PRPF18: variants seen among roughly 807,000 people sequenced by gnomAD.
PRPF18 encodes the protein pre-mRNA processing factor 18, also known as pre-mRNA-splicing factor 18.
A neutral mutation model predicts 46.5 loss-of-function variants in PRPF18; 38 were observed. The ratio of observed to expected loss-of-function variants is 0.82; its 90% confidence interval spans 0.63 to 1.07. PRPF18 has a LOEUF of 1.07. Ranked by LOEUF, PRPF18 falls within the 50% of genes least tolerant of loss-of-function variation. The pLI is 0.00. For synonymous variants in PRPF18, 152 were observed against 146.7 expected, an observed-to-expected ratio of 1.04 and a Z score of -0.26; for missense variants, 263 against 410.0, an observed-to-expected ratio of 0.64 and a Z score of 3.10.
intron 4 of PRPF18, among the ~76,000 whole-genome samples, chr10:13,607,080 GTCTT>G (rs1415437138): frequency 1.3e-5 from 2 of 152,202 alleles, no homozygotes; most frequent in Middle Eastern, 3.4e-3. Context: ...GTCTGTTAAA[GTCTT>G]TCTTTCCTTA....
rs145928720 is a variant in PRPF18 at position 13,597,479 on chromosome 10, C to T, written c.88C>T (p.Arg30Cys). The part of the protein sequence containing the change: ...LLVENKKYFK[R>C]SELAKKEEEA... ...ATAGGAAAATAAAAAATATTTCAAG[C>T]GTAGTGAGCTCGCCAAAAAAGAAGA... The change falls in exon 2 of 10, where the codon CGT becomes TGT. Residue 30 changes from arginine (R) to cysteine (C), a missense_variant. Physicochemically the swap from Arg to Cys is radical, Grantham distance 180. Coordinates refer to ENST00000378572, the MANE Select transcript of PRPF18 (RefSeq NM_003675.4). The T allele has an allele frequency of 1.8e-4, 289 of 1,604,076 alleles. No homozygotes were observed. Among genetic ancestry groups the T allele is most frequent in the Middle Eastern group, 7.1e-4 (4 of 5,612 alleles).
At chr10:13,611,065 G>T (rs1176723195) in intron 5 of PRPF18, among the ~76,000 whole-genome samples, 2 of 152,066 alleles carry the variant, frequency 1.3e-5, no homozygotes, top group Non-Finnish European at 2.9e-5. Context: ...TGTATGTGTA[G>T]CTGTCCCTCT....
chr10:13,603,019 A>G (rs1258946830), intron 3 of PRPF18, among the ~76,000 whole-genome samples: 2 of 152,272 alleles, frequency 1.3e-5, no homozygotes, highest in Non-Finnish European at 1.5e-5. Context: ...GGCGAGGGCC[A>G]CTGCGCCTGG....
chr10:13,606,762 G>GAAAAAAAA (rs2080192529), intron 4 of PRPF18, among the ~76,000 whole-genome samples: 1 of 120,362 alleles, frequency 8.3e-6, no homozygotes, highest in Non-Finnish European at 1.9e-5. Context: ...AAAAAAACAG[G>GAAAAAAAA]GATAAAACTG....
Position 13,611,616 on chromosome 10 carries a change from C to A in PRPF18, c.512C>A (p.Ala171Glu). 6.2e-7 allele frequency: 1 copy of A among 1,613,060 alleles called. No individual in the cohort carries two copies. ...GAAGCATTGTTTCTTTTTCTTCAGGCGCTTGGAGAGTCCTTAGGGAAAGGC... is the reference window on the plus strand; with the variant it reads ...GAAGCATTGTTTCTTTTTCTTCAGGAGCTTGGAGAGTCCTTAGGGAAAGGC... ...EENTTIEELEALGESLGKGDD... is the reference protein window; with the variant it reads ...EENTTIEELEELGESLGKGDD... Residue 171 changes from alanine (A) to glutamate (E), a missense_variant and splice_region_variant, in exon 6 of 10, where the codon GCG becomes GAG. Coordinates refer to ENST00000378572, the MANE Select transcript of PRPF18 (RefSeq NM_003675.4).
In PRPF18 at chr10:13,603,209, G is replaced by C. The variant is rs74121326; in HGVS notation, c.250-2422G>C. 9.3e-4 allele frequency among the ~76,000 whole-genome samples: 142 copies of C among 152,164 alleles called. 1 individual carries two copies. Among genetic ancestry groups the C allele is most frequent in the African/African-American group, 3.3e-3 (136 of 41,500 alleles). On this transcript the variant is annotated intron_variant, in intron 3 of 9. Coordinates refer to ENST00000378572, the MANE Select transcript of PRPF18 (RefSeq NM_003675.4). ...AGAAGTTCCTGCCTTTGCTCAGCGA[G>C]CGTCTATTGAAATAGTAAAAGAGGA...
In PRPF18 at chr10:13,587,048, G is replaced by GCTGGAGCGGGAAA; in HGVS notation, c.-31_-19dup. On this transcript the variant is annotated 5_prime_UTR_variant, in exon 1 of 10. Transcript: ENST00000378572. Reference sequence around the variant, plus strand: ...GGCCCAGTGAGGCTGGGTTCGAGGAGCTGGAGCGGGAAACTGGAGCTTAAA... The same window carrying GCTGGAGCGGGAAA: ...GGCCCAGTGAGGCTGGGTTCGAGGAGCTGGAGCGGGAAACTGGAGCGGGAAACTGGAGCTTAAA... 6.2e-7 allele frequency: 1 copy of GCTGGAGCGGGAAA among 1,605,252 alleles called. No homozygotes were observed. The highest frequency in any genetic ancestry group is 8.5e-7 in the Non-Finnish European group (1 of 1,171,834).
At position 13,611,911 on chromosome 10, in the gene PRPF18, C is replaced by A. The variant is rs1318666133; in HGVS notation, c.579+228C>A. Among the ~76,000 whole-genome samples, 8 of 148,988 alleles carry A rather than the reference C, an allele frequency of 5.4e-5. 1 individual carries two copies. On this transcript the variant is annotated intron_variant, in intron 6 of 9. Transcript: ENST00000378572. Reference sequence around the variant, plus strand: ...TTTTTTTTTTGGAAACAGAGTCTTGCTCTTGTCTCTCAAGCTGGGGTGCAG... The same window carrying A: ...TTTTTTTTTTGGAAACAGAGTCTTGATCTTGTCTCTCAAGCTGGGGTGCAG...
the PRPF18 span, chr10:13,646,127 C>G: frequency 1.3e-5 from 2 of 152,580 alleles, no homozygotes; most frequent in Admixed American, 1.3e-4. Context: ...ACTTCCTCGC[C>G]TTTACCGTGG....
intron 3 of PRPF18, among the ~76,000 whole-genome samples, chr10:13,601,465 C>T (rs746842802): frequency 1.3e-5 from 2 of 152,104 alleles, no homozygotes; most frequent in African/African-American, 2.4e-5. Flanking sequence ...AAATGTCTTC[C>T]CTTTTTCTTA....
rs748887419 is a variant in PRPF18 at position 13,610,108 on chromosome 10, G to T, written c.433G>T (p.Gly145Cys). The part of the protein sequence containing the change: ...DQQYLNEIVG[G>C]QEPGEEDTQN... The stretch of plus-strand genomic sequence containing the variant: ...GCAGTACCTCAATGAAATCGTCGGC[G>T]GTCAGGAGCCTGGAGAGGAAGACAC... Residue 145 changes from glycine (G) to cysteine (C), a missense_variant, in exon 5 of 10, where the codon GGT becomes TGT. By Grantham distance (159) the Gly-to-Cys change is radical. This residue lies in a region of PRPF18 where 155 missense variants were observed against 245.1 expected (regional missense o/e 0.63). Coordinates refer to ENST00000378572, the MANE Select transcript of PRPF18 (RefSeq NM_003675.4). The T allele has an allele frequency of 3.1e-6, 5 of 1,613,814 alleles. No individual in the cohort carries two copies. The African/African-American group carries it at 4.0e-5, about 13-fold the overall frequency.
At chr10:13,655,737 CCTCCCATTTGCTTCTGA>C in the PRPF18 span, 1 of 152,168 alleles carries the variant, frequency 6.6e-6, no homozygotes, top group African/African-American at 2.4e-5. Flanking sequence ...ACTCAGAGTT[CCTCCCATTTGCTTCTGA>C]CTCTCATTTT....
intron 9 of PRPF18, among the ~76,000 whole-genome samples, chr10:13,622,957 G>C (rs2080441694): frequency 2.0e-5 from 3 of 152,210 alleles, no homozygotes; most frequent in Admixed American, 2.0e-4. Context: ...CCAGCACTTT[G>C]GGAGGCTGAG....
the PRPF18 span, chr10:13,641,700 A>G: frequency 0.079 from 11,976 of 152,316 alleles, 598 homozygotes; most frequent in Non-Finnish European, 0.12. Context: ...AAGTGTTTCA[A>G]TGAAGTGTCC....
At chr10:13,652,025 GAGACAC>G in the PRPF18 span, 33 of 959,034 alleles carry the variant, frequency 3.4e-5, no homozygotes, top group Non-Finnish European at 5.7e-5. Flanking sequence ...ATGTTACAGA[GAGACAC>G]TGACACAGAC....
In PRPF18 at chr10:13,600,240, A is replaced by G. The variant is rs137884409; in HGVS notation, c.145-4A>G. 7.3e-4 allele frequency: 1,162 copies of G among 1,597,924 alleles called. 5 individuals carry two copies. In the African/African-American group the frequency reaches 8.8e-3, roughly 12 times the overall value. Reference sequence around the variant, plus strand: ...AATTTCATTTCTTTTGGCTATTAATATAGATACAGCCAAAAGAGGAGGACC... The same window carrying G: ...AATTTCATTTCTTTTGGCTATTAATGTAGATACAGCCAAAAGAGGAGGACC... On this transcript the variant is annotated splice_polypyrimidine_tract_variant and splice_region_variant and intron_variant, in intron 2 of 9. Coordinates refer to ENST00000378572, the MANE Select transcript of PRPF18 (RefSeq NM_003675.4).
intron 3 of PRPF18, among the ~76,000 whole-genome samples, chr10:13,600,879 C>T (rs1431685944): frequency 5.9e-5 from 9 of 152,128 alleles, no homozygotes; most frequent in Admixed American, 2.6e-4. Context: ...CGGGTTCAAG[C>T]GATTCTCCTG....
At chr10:13,623,015 A>G (rs2080442539) in intron 9 of PRPF18, among the ~76,000 whole-genome samples, 1 of 151,972 alleles carries the variant, frequency 6.6e-6, no homozygotes, top group Non-Finnish European at 1.5e-5. Flanking sequence ...TGGCTAACAC[A>G]GTGAAACCCC....
Position 13,630,394 on chromosome 10 carries a change from G to T in PRPF18, c.*54G>T. Reference sequence around the variant, plus strand: ...AAGAAACTTAGGGAAGCAGGCTGTGGACTTCTGGAATTACCAACAGGAATG... The same window carrying T: ...AAGAAACTTAGGGAAGCAGGCTGTGTACTTCTGGAATTACCAACAGGAATG... On this transcript the variant is annotated 3_prime_UTR_variant, in exon 10 of 10. Transcript: ENST00000378572. The T allele has an allele frequency of 1.4e-6, 2 of 1,423,004 alleles. No homozygotes were observed. The highest frequency in any genetic ancestry group is 2.4e-5 in the South Asian group (2 of 82,202). 88.1% of individuals were successfully genotyped at this position (1,423,004 alleles called of 1,614,324 possible).
Sources: allele counts gnomAD v4.1 joint callset (sites outside exome capture counted in the v4.1 genomes callset), GRCh38; gene constraint gnomAD v4.1.1; regional missense constraint gnomAD v4.1.1; transcripts MANE v1.5; gene names NCBI Gene and HGNC (gene_info 2026-07-23, HGNC 2026-07-21).